Variants in UBE2J2 observed in about 807,000 individuals in gnomAD.
UBE2J2 encodes ubiquitin-conjugating enzyme E2 J2.
UBE2J2 carries 5 observed loss-of-function variants against 28.6 expected under a neutral mutation model. The observed-to-expected ratio is 0.17, with a 90% CI of 0.09 to 0.37. UBE2J2 has a LOEUF of 0.37. Ranked by LOEUF, UBE2J2 falls within the 10% of genes least tolerant of loss-of-function variation. The pLI, the probability that UBE2J2 is intolerant of heterozygous loss-of-function variation, is 1.00. For missense variants in UBE2J2, 226 were observed against 338.9 expected (o/e 0.67, Z 2.62); for synonymous variants, 138 against 139.7 (o/e 0.99, Z 0.09).
In UBE2J2 at chr1:1,255,201, C is replaced by T; in HGVS notation, c.*2G>A. ...GGCGCCTTGGGTCTCGGCGCCTGGG[C>T]CTCACTCCTGCGCGATGCTCCTCAG... On this transcript the variant is annotated 3_prime_UTR_variant, in exon 7 of 7. Transcript: ENST00000349431. 6.3e-7 allele frequency: 1 copy of T among 1,581,596 alleles called. No individual in the cohort carries two copies. The highest frequency in any genetic ancestry group is 1.1e-5 in the South Asian group (1 of 87,394).
rs1298201978 is a variant in UBE2J2 at position 1,271,991 on chromosome 1, A to AT, written c.-1+1674_-1+1675insA. 3.4e-3 allele frequency among the ~76,000 whole-genome samples: 503 copies of AT among 149,108 alleles called. 12 individuals are homozygous for AT. The highest frequency in any genetic ancestry group is 0.012 in the African/African-American group (477 of 40,196). On this transcript the variant is annotated intron_variant, in intron 1 of 6. Coordinates refer to ENST00000349431, the MANE Select transcript of UBE2J2 (RefSeq NM_058167.3). ...CTCCGTCTCAAAAAAAAAAAAAAAAAAAAAAAAAAAAAATTAGCCGGGTGT... is the reference window on the plus strand; with the variant it reads ...CTCCGTCTCAAAAAAAAAAAAAAAAATAAAAAAAAAAAAATTAGCCGGGTGT...
chr1:1,267,685 T>C (rs1427387408), intron 2 of UBE2J2, 177 bp downstream of exon 2: 3 of 1,421,434 alleles, frequency 2.1e-6, no homozygotes, highest in South Asian at 1.4e-5. Flanking sequence ...ATGCGTCCAT[T>C]GGGAAAAGAC....
At chr1:1,261,367 C>T (rs554858605) in intron 3 of UBE2J2, among the ~76,000 whole-genome samples, 3 of 152,132 alleles carry the variant, frequency 2.0e-5, no homozygotes, top group Non-Finnish European at 1.5e-5. Context: ...ACAACGGAAG[C>T]GATGGGAGGG....
chr1:1,255,281 C>T lies in UBE2J2; in HGVS notation c.702G>A (p.Ala234=), dbSNP rs747850097. Reference sequence around the variant, plus strand: ...CAAACCCAACTATCACAAACAAGTTCGCCAGGGCGCCACCCAGGAGTCCGT... The same window carrying T: ...CAAACCCAACTATCACAAACAAGTTTGCCAGGGCGCCACCCAGGAGTCCGT... ...RHHGLLGGAL[A]NLFVIVGFAA... is the part of the protein sequence containing the mutation. The change falls in exon 7 of 7, where the codon GCG becomes GCA. Residue 234 remains alanine (A), a synonymous_variant. Transcript: ENST00000349431. 5.6e-6 allele frequency: 9 copies of T among 1,613,512 alleles called. No individual in the cohort carries two copies. Among genetic ancestry groups the T allele is most frequent in the South Asian group, 1.1e-5 (1 of 91,062 alleles).
At chr1:1,270,368 G>C (rs576507297) in intron 1 of UBE2J2, among the ~76,000 whole-genome samples, 48 of 152,116 alleles carry the variant, frequency 3.2e-4, no homozygotes, top group African/African-American at 1.1e-3. Flanking sequence ...AGCCTGTTTA[G>C]TGTCTGCTCC....
chr1:1,263,585 G>T (rs574947687), intron 2 of UBE2J2, 199 bp from the exon 3 acceptor site: 3 of 564,154 alleles, frequency 5.3e-6, no homozygotes, highest in African/African-American at 1.9e-5. Flanking sequence ...TTAGTCTCTT[G>T]TAACAGGATC....
intron 3 of UBE2J2, 25 bp from the exon 4 acceptor site, chr1:1,257,335 G>T: frequency 6.6e-7 from 1 of 1,510,448 alleles, no homozygotes; most frequent in Non-Finnish European, 9.1e-7. Context: ...AACAGAAAGG[G>T]CCTTGTCGTC....
intron 2 of UBE2J2, 47 bp downstream of exon 2, chr1:1,267,815 G>A (rs375255651): frequency 1.7e-5 from 27 of 1,600,398 alleles, no homozygotes; most frequent in African/African-American, 6.7e-5. Context: ...AGAGGCCTGC[G>A]TGGCAGCGAC....
At chr1:1,258,821 C>T (rs953604425) in intron 3 of UBE2J2, among the ~76,000 whole-genome samples, 1 of 152,270 alleles carries the variant, frequency 6.6e-6, no homozygotes, top group African/African-American at 2.4e-5. Flanking sequence ...TGCTCCCAGG[C>T]CCTCTATGAG....
intron 3 of UBE2J2, among the ~76,000 whole-genome samples, chr1:1,258,000 C>G (rs556758648): frequency 6.6e-6 from 1 of 152,000 alleles, no homozygotes; most frequent in South Asian, 2.1e-4. Flanking sequence ...ACCTGAAGAT[C>G]GACCTCAGGG....
In UBE2J2 at chr1:1,255,183, T is replaced by A. The variant is rs1239376368; in HGVS notation, c.*20A>T. 4 of 1,563,900 alleles carry A rather than the reference T, an allele frequency of 2.6e-6. No individual in the cohort carries two copies. The African/African-American group carries it at 5.4e-5, about 21-fold the overall frequency. On this transcript the variant is annotated 3_prime_UTR_variant, in exon 7 of 7. Coordinates refer to ENST00000349431, the MANE Select transcript of UBE2J2 (RefSeq NM_058167.3). Reference sequence around the variant, plus strand: ...GTGCGCGGTGCCCTCAGTGGCGCCTTGGGTCTCGGCGCCTGGGCCTCACTC... The same window carrying A: ...GTGCGCGGTGCCCTCAGTGGCGCCTAGGGTCTCGGCGCCTGGGCCTCACTC...
intron 6 of UBE2J2, 94 bp from the exon 7 acceptor site, chr1:1,255,581 AG>A: frequency 7.0e-7 from 1 of 1,422,152 alleles, no homozygotes; most frequent in South Asian, 1.3e-5. Context: ...TCCACCACCA[AG>A]AACCAAGCCC....
chr1:1,262,339 G>A (rs1639613709), intron 3 of UBE2J2: 2 of 456,206 alleles, frequency 4.4e-6, no homozygotes, highest in Non-Finnish European at 8.8e-6. Flanking sequence ...CCCTACAGAT[G>A]TACTCCCGCA....
intron 3 of UBE2J2, among the ~76,000 whole-genome samples, chr1:1,258,927 C>CAGAGGA (rs1639373380): frequency 6.6e-6 from 1 of 152,232 alleles, no homozygotes; most frequent in East Asian, 1.9e-4. Context: ...TGGGGCCAAC[C>CAGAGGA]CCAACCAGAG....
intron 1 of UBE2J2, among the ~76,000 whole-genome samples, chr1:1,269,361 G>A (rs1640035252): frequency 6.6e-6 from 1 of 151,804 alleles, no homozygotes; most frequent in Non-Finnish European, 1.5e-5. Flanking sequence ...GGCTGGATCA[G>A]GGACCCCAAG....
At chr1:1,265,991 C>T in intron 2 of UBE2J2, 1 of 1,229,528 alleles carries the variant, frequency 8.1e-7, no homozygotes, top group Non-Finnish European at 1.1e-6. Context: ...TGCACCGGGA[C>T]TTGGGGACGC....
At chr1:1,271,782 C>A (rs1640156317) in intron 1 of UBE2J2, 1 of 152,126 alleles carries the variant, frequency 6.6e-6, no homozygotes, top group African/African-American at 2.4e-5. Flanking sequence ...CGAGACCAGC[C>A]TGACCAACAT....
chr1:1,271,974 C>CAAAAAAAAAAAAAAAAAAAAAAA (rs60924258), intron 1 of UBE2J2, among the ~76,000 whole-genome samples: 4 of 27,616 alleles, frequency 1.4e-4, no homozygotes, highest in South Asian at 2.5e-3. Context: ...AACTCCGTCT[C>CAAAAAAAAAAAAAAAAAAAAAAA]AAAAAAAAAA....
At chr1:1,271,337 C>T (rs1444338832) in intron 1 of UBE2J2, among the ~76,000 whole-genome samples, 1 of 152,242 alleles carries the variant, frequency 6.6e-6, no homozygotes, top group African/African-American at 2.4e-5. Context: ...CGACACTCAC[C>T]CTGAAGCTAA....
Sources: allele counts gnomAD v4.1 joint callset (sites outside exome capture counted in the v4.1 genomes callset), GRCh38; gene constraint gnomAD v4.1.1; transcripts MANE v1.5; gene names NCBI Gene and HGNC (gene_info 2026-07-23, HGNC 2026-07-21).